Variants in KANK1 observed in about 807,000 individuals in gnomAD.
KANK1 encodes KN motif and ankyrin repeat domain-containing protein 1.
Under a neutral mutation model 106.2 loss-of-function variants are expected in KANK1, and 109 were observed. The observed-to-expected ratio is 1.03, with a 90% CI of 0.88 to 1.20. The LOEUF is 1.20. Ranked by LOEUF, KANK1 falls within the 50% of genes most tolerant of loss-of-function variation. The pLI is 0.00. For missense variants in KANK1, 2,399 were observed against 1,710.7 expected, an observed-to-expected ratio of 1.40 and a Z score of -7.10; for synonymous variants, 873 against 652.2, an observed-to-expected ratio of 1.34 and a Z score of -5.16.
intron 1 of KANK1, among the ~76,000 whole-genome samples, chr9:640,790 G>C (rs750910876): frequency 1.3e-5 from 2 of 150,802 alleles, no homozygotes; most frequent in South Asian, 4.2e-4. Context: ...TCTGCCTGCC[G>C]GGTCCACACC....
intron 1 of KANK1, among the ~76,000 whole-genome samples, chr9:577,527 C>G (rs772138399): frequency 1.4e-4 from 22 of 152,194 alleles, no homozygotes; most frequent in Admixed American, 3.3e-4. Flanking sequence ...GAAAAGTTCT[C>G]CAAGTCCGCA....
At chr9:489,095 G>A (rs1279335345) in intron 3 of KANK1, 1 of 152,132 alleles carries the variant, frequency 6.6e-6, no homozygotes, top group African/African-American at 2.4e-5. Context: ...TAGAATTTTT[G>A]TTTTGTTTCT....
chr9:608,317 G>A (rs572072343), intron 1 of KANK1, among the ~76,000 whole-genome samples: 3 of 151,868 alleles, frequency 2.0e-5, no homozygotes, highest in Admixed American at 6.5e-5. Flanking sequence ...GATTACAGGC[G>A]TGAAAACTTT....
chr9:703,628 CTG>C (rs1266987869), intron 2 of KANK1, among the ~76,000 whole-genome samples: 1 of 152,012 alleles, frequency 6.6e-6, no homozygotes. Context: ...GGAATTTTGA[CTG>C]TGCAAAAGCA....
intron 1 of KANK1, among the ~76,000 whole-genome samples, chr9:628,700 G>T (rs534794665): frequency 6.6e-6 from 1 of 152,060 alleles, no homozygotes; most frequent in African/African-American, 2.4e-5. Flanking sequence ...AACATCCAAG[G>T]CTCTTTGCCA....
At chr9:638,839 T>C (rs1837733768) in intron 1 of KANK1, among the ~76,000 whole-genome samples, 1 of 152,214 alleles carries the variant, frequency 6.6e-6, no homozygotes, top group African/African-American at 2.4e-5. Flanking sequence ...TGCCATTCAA[T>C]TTGACTGTGT....
In KANK1 at chr9:713,092, A is replaced by G; in HGVS notation, c.2326A>G (p.Met776Val). 1 of 1,613,100 alleles carries G rather than the reference A, an allele frequency of 6.2e-7. No individual in the cohort carries two copies. Among genetic ancestry groups the G allele is most frequent in the South Asian group, 1.1e-5 (1 of 90,922 alleles). Residue 776 changes from methionine (M) to valine (V), a missense_variant, in exon 3 of 12, where the codon ATG (methionine) becomes GTG (valine). Physicochemically the swap from Met to Val is conservative, Grantham distance 21 (BLOSUM62 1). Coordinates refer to ENST00000382297, the MANE Select transcript of KANK1 (RefSeq NM_015158.5). ...CGACAACTATCTGGTTGGTCTCAAA[A>G]TGAGGACTATAGCTTGTGGGCCACC... ...INDNYLVGLK[M>V]RTIACGPPQL...
chr9:638,308 C>G (rs1563907717), intron 1 of KANK1, among the ~76,000 whole-genome samples: 1 of 152,166 alleles, frequency 6.6e-6, no homozygotes, highest in African/African-American at 2.4e-5. Context: ...CGCCTTCTTG[C>G]TGATACCAGT....
chr9:591,694 T>C (rs1588082425), intron 1 of KANK1, among the ~76,000 whole-genome samples: 1 of 151,848 alleles, frequency 6.6e-6, no homozygotes, highest in Admixed American at 6.5e-5. Flanking sequence ...AGATGCAGTC[T>C]CGCCTAGGCT....
chr9:486,890 A>C (rs2058302171), intron 3 of KANK1, among the ~76,000 whole-genome samples: 1 of 152,230 alleles, frequency 6.6e-6, no homozygotes, highest in Non-Finnish European at 1.5e-5. Context: ...AAGTTTAATC[A>C]TGGCAAAAGT....
intron 1 of KANK1, among the ~76,000 whole-genome samples, chr9:654,199 C>G (rs1043628267): frequency 1.3e-5 from 2 of 152,162 alleles, no homozygotes; most frequent in Non-Finnish European, 2.9e-5. Flanking sequence ...TTCAGTAGCC[C>G]GTTGTGGGGC....
chr9:551,594 A>G (rs544106822), intron 1 of KANK1, among the ~76,000 whole-genome samples: 3 of 152,192 alleles, frequency 2.0e-5, no homozygotes, highest in Admixed American at 6.5e-5. Flanking sequence ...AGGACCGTTT[A>G]TAATGGTTAC....
At chr9:743,856 A>C (rs1836416033) in intron 10 of KANK1, among the ~76,000 whole-genome samples, 2 of 152,228 alleles carry the variant, frequency 1.3e-5, no homozygotes, top group African/African-American at 2.4e-5. Flanking sequence ...ACCCTGTCTC[A>C]AAAAACACAC....
At position 591,046 on chromosome 9, in the gene KANK1, G is replaced by A. The variant is rs1219663667; in HGVS notation, c.-83-85844G>A. ...AACCTTACCAGTTTTATAGACAGAT[G>A]AACATCTTTTCATATGCCATTTATA... On this transcript the variant is annotated intron_variant, in intron 1 of 11. Coordinates refer to ENST00000382297, the MANE Select transcript of KANK1 (RefSeq NM_015158.5). Among the ~76,000 whole-genome samples the A allele has an allele frequency of 2.6e-5, 4 of 151,726 alleles. No individual in the cohort carries two copies. The East Asian group carries it at 7.7e-4, about 29-fold the overall frequency.
At chr9:728,070 C>G (rs6477172) in intron 3 of KANK1, among the ~76,000 whole-genome samples, 96,450 of 152,010 alleles carry the variant, frequency 0.63, 31,830 homozygotes, top group African/African-American at 0.82. Flanking sequence ...ACTCTTTATA[C>G]CAATAAGATA....
chr9:531,081 T>C (rs2060033945), intron 1 of KANK1, among the ~76,000 whole-genome samples: 1 of 152,164 alleles, frequency 6.6e-6, no homozygotes, highest in South Asian at 2.1e-4. Context: ...TAACTCAAGG[T>C]TTGCTTCCTT....
chr9:506,175 A>G (rs1028379673), intron 1 of KANK1, among the ~76,000 whole-genome samples: 2 of 152,180 alleles, frequency 1.3e-5, no homozygotes, highest in African/African-American at 4.8e-5. Context: ...TCCATCTCCC[A>G]GCCCTTCTCC....
intron 1 of KANK1, among the ~76,000 whole-genome samples, chr9:647,516 C>G (rs1588549041): frequency 1.3e-5 from 2 of 150,834 alleles, no homozygotes; most frequent in Non-Finnish European, 2.9e-5. Flanking sequence ...GTGCAGTTTT[C>G]TAGTATAGTC....
At chr9:582,681 A>T (rs1299287981) in intron 1 of KANK1, among the ~76,000 whole-genome samples, 1 of 152,244 alleles carries the variant, frequency 6.6e-6, no homozygotes, top group African/African-American at 2.4e-5. Context: ...TCTGTAGAGT[A>T]TGGCAAAGCT....
Sources: allele counts gnomAD v4.1 joint callset (sites outside exome capture counted in the v4.1 genomes callset), GRCh38; gene constraint gnomAD v4.1.1; transcripts MANE v1.5; gene names NCBI Gene and HGNC (gene_info 2026-07-23, HGNC 2026-07-21).